The following GPM6B variants were observed in gnomAD, a reference collection of about 807,000 sequenced individuals.
GPM6B encodes the protein neuronal membrane glycoprotein M6-b.
GPM6B carries 4 observed loss-of-function variants against 27.2 expected under a neutral mutation model. The observed-to-expected ratio is 0.15, with a 90% confidence interval of 0.07 to 0.34. GPM6B has a LOEUF of 0.34. Ranked by LOEUF, GPM6B falls within the 10% of genes least tolerant of loss-of-function variation. The probability of loss-of-function intolerance (pLI) is 1.00; values close to 1 mark genes in which losing one functional copy is unlikely to be tolerated. For missense variants in GPM6B, 183 were observed against 261.9 expected, an observed-to-expected ratio of 0.70 and a Z score of 2.08; for synonymous variants, 124 against 103.1, an observed-to-expected ratio of 1.20 and a Z score of -1.23.
At chrX:13,864,776 T>C (rs1341024283) in intron 1 of GPM6B, among the ~76,000 whole-genome samples, 1 of 111,223 alleles carries the variant, frequency 9.0e-6, no homozygotes, top group East Asian at 2.8e-4. Context: ...GGGGAGAAAG[T>C]CAGAAAGGTG....
chrX:13,837,868 T>C (rs1218669428), intron 1 of GPM6B, among the ~76,000 whole-genome samples: 1 of 110,730 alleles, frequency 9.0e-6, no homozygotes, highest in Non-Finnish European at 1.9e-5. Context: ...TATTAGAAAG[T>C]ATTTATTGGA....
rs182303210 is a variant in GPM6B at position 13,796,243 on chromosome X, A to G, written c.182-10435T>C. Among the ~76,000 whole-genome samples, 27 of 110,155 alleles carry G rather than the reference A, an allele frequency of 2.5e-4. 1 individual carries two copies. In the Admixed American group the frequency reaches 2.5e-3, roughly 10 times the overall value. The stretch of plus-strand genomic sequence containing the variant: ...CCTGGCTGGCCTGGCTAATTTTTGT[A>G]TTTTCAGTAGAGATGGGGTTTCGCC... On this transcript the variant is annotated intron_variant, in intron 2 of 7. Transcript: ENST00000316715.
In GPM6B at chrX:13,783,526, AAAGAG is replaced by A; in HGVS notation, c.369-10_369-6del. On this transcript the variant is annotated splice_region_variant and splice_polypyrimidine_tract_variant and intron_variant, in intron 3 of 7. Coordinates refer to ENST00000316715, the MANE Select transcript of GPM6B (RefSeq NM_001001995.3). ...ACATACTGCATCAGTTGTATCCTAC[AAAGAG>A]AAGAAGAGATCCTGAACCATTAAAT... 8.4e-7 allele frequency: 1 copy of A among 1,188,111 alleles called. No homozygotes were observed. The highest frequency in any genetic ancestry group is 1.1e-6 in the Non-Finnish European group (1 of 881,565).
At position 13,817,063 on chromosome X, in the gene GPM6B, G is replaced by A; in HGVS notation, c.-159C>T. On this transcript the variant is annotated 5_prime_UTR_variant, in exon 1 of 8. Coordinates refer to ENST00000316715, the MANE Select transcript of GPM6B (RefSeq NM_001001995.3). ...AGTAGATTACAGTCCCTTCCAAGAT[G>A]CAAAAGTCTTGTCAGCGTCAATTTC... 1 of 1,039,570 alleles carries A rather than the reference G, an allele frequency of 9.6e-7. No homozygotes were observed. The allele number at this position is 1,039,570 out of a possible 1,213,427, so 85.7% of individuals were successfully genotyped here.
intron 1 of GPM6B, among the ~76,000 whole-genome samples, chrX:13,923,020 C>G (rs981788428): frequency 1.8e-5 from 2 of 111,384 alleles, no homozygotes; most frequent in African/African-American, 6.5e-5. Flanking sequence ...ACTAAAAATA[C>G]AAGAAATTAG....
At chrX:13,853,541 T>C (rs770331187) in intron 1 of GPM6B, among the ~76,000 whole-genome samples, 45 of 93,902 alleles carry the variant, frequency 4.8e-4, no homozygotes, top group South Asian at 2.6e-3. Context: ...GAGGCAGAGG[T>C]TGCAGTGAGC....
intron 1 of GPM6B, among the ~76,000 whole-genome samples, chrX:13,916,216 C>T (rs895233398): frequency 9.0e-6 from 1 of 111,706 alleles, no homozygotes; most frequent in Non-Finnish European, 1.9e-5. Flanking sequence ...ACACACTCTG[C>T]CAATGAAAGA....
At chrX:13,779,113 TGCTGCCCTCTTACTCA>T (rs2048468597) in intron 5 of GPM6B, among the ~76,000 whole-genome samples, 1 of 111,220 alleles carries the variant, frequency 9.0e-6, no homozygotes, top group African/African-American at 3.3e-5. Flanking sequence ...TCCCTCAGGA[TGCTGCCCTCTTACTCA>T]GCTGCCCTCT....
intron 1 of GPM6B, among the ~76,000 whole-genome samples, chrX:13,897,919 A>C (rs1043922329): frequency 4.5e-5 from 5 of 111,947 alleles, no homozygotes; most frequent in African/African-American, 1.6e-4. Context: ...TGACTCCAAA[A>C]GTGTTTTCCT....
At chrX:13,900,895 T>C (rs1569295322) in intron 1 of GPM6B, among the ~76,000 whole-genome samples, 1 of 111,220 alleles carries the variant, frequency 9.0e-6, no homozygotes, top group East Asian at 2.8e-4. Context: ...TTCCATAGAG[T>C]TCAAGTATTT....
chrX:13,920,431 T>C (rs1286834376), intron 1 of GPM6B, among the ~76,000 whole-genome samples: 1 of 110,921 alleles, frequency 9.0e-6, no homozygotes, highest in African/African-American at 3.3e-5. Context: ...AGGAAAATGC[T>C]ATATTTGTAT....
intron 1 of GPM6B, among the ~76,000 whole-genome samples, chrX:13,815,288 G>A (rs780781468): frequency 9.0e-6 from 1 of 111,644 alleles, no homozygotes; most frequent in Non-Finnish European, 1.9e-5. Context: ...ATCATTTTAG[G>A]ATAAAATCGT....
Position 13,916,394 on chromosome X carries a change from G to A in GPM6B, c.-198+21933C>T, listed in dbSNP as rs545468383. Among the ~76,000 whole-genome samples the A allele has an allele frequency of 4.7e-4, 53 of 111,587 alleles. 2 individuals carry two copies. The South Asian group carries it at 0.02, about 42-fold the overall frequency. ...TAGGAGACTTTGGAGTCACCAATGGGGATACACAATGCAATTCAGGCTCAG... is the reference window on the plus strand; with the variant it reads ...TAGGAGACTTTGGAGTCACCAATGGAGATACACAATGCAATTCAGGCTCAG... On this transcript the variant is annotated intron_variant, in intron 1 of 6. Transcript: ENST00000398361.
intron 1 of GPM6B, among the ~76,000 whole-genome samples, chrX:13,912,566 A>G (rs1424849233): frequency 9.7e-6 from 1 of 103,082 alleles, no homozygotes; most frequent in African/African-American, 3.6e-5. Context: ...GATAGATACA[A>G]CTGGAAAAAG....
intron 1 of GPM6B, among the ~76,000 whole-genome samples, chrX:13,860,074 T>A (rs150977576): frequency 2.3e-3 from 260 of 112,365 alleles, no homozygotes; most frequent in Non-Finnish European, 3.7e-3. Flanking sequence ...ATACATCACT[T>A]GGTGCTAACA....
intron 1 of GPM6B, among the ~76,000 whole-genome samples, chrX:13,811,391 GACAA>G (rs1165169526): frequency 8.9e-6 from 1 of 112,604 alleles, no homozygotes; most frequent in Non-Finnish European, 1.9e-5. Flanking sequence ...GCAACTAAGT[GACAA>G]ACACTGAGCT....
intron 2 of GPM6B, among the ~76,000 whole-genome samples, chrX:13,789,304 G>C (rs1336010188): frequency 9.0e-6 from 1 of 111,665 alleles, no homozygotes; most frequent in Non-Finnish European, 1.9e-5. Flanking sequence ...TTTGAACACT[G>C]GGCAATTTAG....
At chrX:13,820,919 C>T (rs750133536), upstream of GPM6B, among the ~76,000 whole-genome samples, 18 of 110,492 alleles carry the variant, frequency 1.6e-4, no homozygotes, top group Middle Eastern at 9.5e-3. Context: ...GGGTACACTA[C>T]CTTTTAAATG....
At chrX:13,864,800 T>C (rs1344887518) in intron 1 of GPM6B, among the ~76,000 whole-genome samples, 1 of 111,479 alleles carries the variant, frequency 9.0e-6, no homozygotes, top group Non-Finnish European at 1.9e-5. Flanking sequence ...TTCCAACGTA[T>C]AGTAAAGTAC....
Sources: allele counts gnomAD v4.1 joint callset (sites outside exome capture counted in the v4.1 genomes callset), GRCh38; gene constraint gnomAD v4.1.1; transcripts MANE v1.5; gene names NCBI Gene and HGNC (gene_info 2026-07-23, HGNC 2026-07-21).